Variants in GABRR2 observed in about 807,000 individuals in gnomAD.
GABRR2 encodes gamma-aminobutyric acid receptor subunit rho-2.
GABRR2 carries 36 observed loss-of-function variants against 47.0 expected under a neutral mutation model. The observed-to-expected ratio is 0.77, with a 90% CI of 0.59 to 1.01. GABRR2 has a LOEUF of 1.01. Among genes scored for constraint, GABRR2 ranks in the 50% least tolerant of loss-of-function variants. The pLI, the probability that GABRR2 is intolerant of heterozygous loss-of-function variation, is 0.00. For missense variants in GABRR2, 587 were observed against 594.6 expected (o/e 0.99, Z 0.13); for synonymous variants, 204 against 227.5 (o/e 0.90, Z 0.93).
chr6:89,270,263 G>C (rs988423999), intron 3 of GABRR2: 1 of 152,288 alleles, frequency 6.6e-6, no homozygotes. Flanking sequence ...TTGCCCAGGG[G>C]AAGTGCAGAT....
intron 6 of GABRR2, among the ~76,000 whole-genome samples, chr6:89,266,335 T>C (rs1300966423): frequency 6.6e-6 from 1 of 152,252 alleles, no homozygotes; most frequent in Non-Finnish European, 1.5e-5. Flanking sequence ...ACCATATTTC[T>C]TGAGTGACTT....
rs1439449930 is a variant in GABRR2 at position 89,292,762 on chromosome 6, C to T, written c.220+6997G>A. On this transcript the variant is annotated intron_variant, in intron 2 of 8. Coordinates refer to ENST00000402938, the MANE Select transcript of GABRR2 (RefSeq NM_002043.5). ...TATATAATCGTATATATCGTATATA[C>T]GATATATCGTATATATCGTATATAC... is the stretch of plus-strand genomic sequence containing the variant. Among the ~76,000 whole-genome samples, 23 of 38,578 alleles carry T rather than the reference C, an allele frequency of 6.0e-4. 2 individuals are homozygous for T. Among genetic ancestry groups the T allele is most frequent in the Admixed American group, 4.9e-3 (15 of 3,034 alleles). The allele number at this position is 38,578 out of a possible 152,430, so 25.3% of individuals were successfully genotyped here.
Position 89,265,702 on chromosome 6 carries a change from T to G in GABRR2, c.800A>C (p.Gln267Pro), listed in dbSNP as rs943279649. The stretch of plus-strand genomic sequence containing the variant: ...CATCAGAGTGGCAGGGAAATATGTT[T>G]GGAGCAAGAAGAAGAAGATGTGGCG... ...LRRHIFFFLLQTYFPATLMVM... is the reference protein window; with the variant it reads ...LRRHIFFFLLPTYFPATLMVM... The change falls in exon 7 of 9, where the codon CAA becomes CCA. Residue 267 changes from glutamine to proline, a missense_variant. Transcript: ENST00000402938. 6.2e-7 allele frequency: 1 copy of G among 1,614,124 alleles called. No homozygotes were observed. The highest frequency in any genetic ancestry group is 2.2e-5 in the East Asian group (1 of 44,882).
intron 1 of GABRR2, among the ~76,000 whole-genome samples, chr6:89,308,927 CG>C (rs1767623389): frequency 6.6e-6 from 1 of 152,112 alleles, no homozygotes; most frequent in South Asian, 2.1e-4. Context: ...CCAACCTAGT[CG>C]GGGAGGTGGA....
intron 8 of GABRR2, among the ~76,000 whole-genome samples, chr6:89,260,741 T>C (rs912161446): frequency 6.6e-6 from 1 of 152,182 alleles, no homozygotes; most frequent in African/African-American, 2.4e-5. Context: ...CTAGGGAATC[T>C]ATTTTTTGAG....
Position 89,286,012 on chromosome 6 carries a change from G to A in GABRR2, c.220+13747C>T, listed in dbSNP as rs569312853. 1.8e-3 allele frequency among the ~76,000 whole-genome samples: 194 copies of A among 108,262 alleles called. 1 individual carries two copies. Among genetic ancestry groups the A allele is most frequent in the African/African-American group, 6.2e-3 (183 of 29,526 alleles). The allele number at this position is 108,262 out of a possible 152,430, so 71.0% of individuals were successfully genotyped here. On this transcript the variant is annotated intron_variant, in intron 2 of 8. Transcript: ENST00000402938. ...CTTCTCTGCAGATACTCAGCTCCCC[G>A]CCCGCACCCCCAACAACAAACAAAC...
rs1430489332 is a variant in GABRR2 at position 89,271,740 on chromosome 6, C to A, written c.221-18G>T. ...GGCAGGGCCTGCAGAAGAGCAGAGA[C>A]AGCTGGTTAAGGCACCTTCCTCTCT... On this transcript the variant is annotated intron_variant, in intron 2 of 8. Transcript: ENST00000402938. 1.6e-5 allele frequency: 25 copies of A among 1,607,592 alleles called. No homozygotes were observed. Among genetic ancestry groups the A allele is most frequent in the African/African-American group, 2.7e-5 (2 of 74,784 alleles).
At chr6:89,258,540 TAAAAA>T (rs58724665) in intron 8 of GABRR2, among the ~76,000 whole-genome samples, 1 of 117,146 alleles carries the variant, frequency 8.5e-6, no homozygotes, top group African/African-American at 3.3e-5. Context: ...ACTCCTTCTC[TAAAAA>T]AAAAAAAAAA....
chr6:89,267,212 C>CCAGGCCATGT (rs1207895258), intron 6 of GABRR2, among the ~76,000 whole-genome samples: 1 of 152,064 alleles, frequency 6.6e-6, no homozygotes, highest in African/African-American at 2.4e-5. Context: ...GTTGGCCAGG[C>CCAGGCCATGT]TGGTCTCGAA....
intron 8 of GABRR2, among the ~76,000 whole-genome samples, chr6:89,259,705 T>C (rs1428990016): frequency 1.3e-5 from 2 of 151,774 alleles, no homozygotes; most frequent in Non-Finnish European, 2.9e-5. Context: ...GGTTTCACCA[T>C]GTTAGCCAGG....
intron 1 of GABRR2, among the ~76,000 whole-genome samples, chr6:89,312,010 AC>A (rs1193659013): frequency 6.6e-6 from 1 of 152,088 alleles, no homozygotes; most frequent in African/African-American, 2.4e-5. Flanking sequence ...CACAGTGCAG[AC>A]CCAGGAAGGA....
At chr6:89,301,752 C>T (rs936982261) in intron 1 of GABRR2, 9 of 686,548 alleles carry the variant, frequency 1.3e-5, no homozygotes, top group Non-Finnish European at 2.1e-5. Flanking sequence ...CCCGCCTGCC[C>T]GTCCGCAGCC....
At chr6:89,282,571 G>GA (rs1371924362) in intron 2 of GABRR2, among the ~76,000 whole-genome samples, 1 of 152,220 alleles carries the variant, frequency 6.6e-6, no homozygotes, top group Non-Finnish European at 1.5e-5. Flanking sequence ...ATGACATGAA[G>GA]ATGCGACTGT....
chr6:89,294,269 C>A (rs1321056838), intron 2 of GABRR2, among the ~76,000 whole-genome samples: 1 of 152,158 alleles, frequency 6.6e-6, no homozygotes, highest in Non-Finnish European at 1.5e-5. Flanking sequence ...CTCAGCCACC[C>A]AAGTAGCTGG....
intron 2 of GABRR2, among the ~76,000 whole-genome samples, chr6:89,280,228 AT>A (rs1257888024): frequency 6.3e-5 from 5 of 79,544 alleles, no homozygotes; most frequent in African/African-American, 2.4e-4. Context: ...ATATATATAT[AT>A]ATATATATAT....
Position 89,265,665 on chromosome 6 carries a change from G to A in GABRR2, c.837C>T (p.Ser279=), listed in dbSNP as rs781200532. The A allele has an allele frequency of 6.2e-7, 1 of 1,614,200 alleles. No individual in the cohort carries two copies. The highest frequency in any genetic ancestry group is 1.7e-5 in the Admixed American group (1 of 60,026). The change falls in exon 7 of 9, where the codon TCC becomes TCT. Residue 279 remains serine (S), a synonymous_variant. Transcript: ENST00000402938. ...YFPATLMVML[S]WVSFWIDRRA... ...TGCGGTCGATCCAGAAGGACACCCA[G>A]GACAGCATGACCATCAGAGTGGCAG...
chr6:89,301,158 G>A lies in GABRR2; in HGVS notation c.114-1293C>T, dbSNP rs1242385046. The stretch of plus-strand genomic sequence containing the variant: ...AAGCCACATTATTATCTCAATGGAT[G>A]CACAAGAGGCTTTCGATAAAATTCA... On this transcript the variant is annotated intron_variant, in intron 1 of 8. Coordinates refer to ENST00000402938, the MANE Select transcript of GABRR2 (RefSeq NM_002043.5). Among the ~76,000 whole-genome samples the A allele has an allele frequency of 1.0e-4, 15 of 150,502 alleles. 1 individual carries two copies. The Middle Eastern group carries it at 0.01, about 103-fold the overall frequency.
chr6:89,267,832 G>A lies in GABRR2; in HGVS notation c.596-13C>T, dbSNP rs1773939992. On this transcript the variant is annotated splice_polypyrimidine_tract_variant and intron_variant, in intron 5 of 8. Transcript: ENST00000402938. ...TCTGTATAGGCATCTTTGGGAAGAGGAAAACAAGTTAATTTGACTCCTTCG... is the reference window on the plus strand; with the variant it reads ...TCTGTATAGGCATCTTTGGGAAGAGAAAAACAAGTTAATTTGACTCCTTCG... 2 of 1,607,240 alleles carry A rather than the reference G, an allele frequency of 1.2e-6. No individual in the cohort carries two copies. Among genetic ancestry groups the A allele is most frequent in the East Asian group, 4.5e-5 (2 of 44,782 alleles).
At position 89,267,672 on chromosome 6, in the gene GABRR2, TAGCTA is replaced by T. The variant is rs769814749; in HGVS notation, c.736+2_736+6del. 11 of 1,607,508 alleles carry T rather than the reference TAGCTA, an allele frequency of 6.8e-6. No individual in the cohort carries two copies. Among genetic ancestry groups the T allele is most frequent in the Admixed American group, 3.4e-5 (2 of 58,310 alleles). On this transcript the variant is annotated splice_donor_variant and splice_donor_5th_base_variant and intron_variant, in intron 6 of 8. Transcript: ENST00000402938. LOFTEE classifies it high-confidence loss of function. ...ATTTGAATCAGATTGTGGCAAAAGA[TAGCTA>T]CCAGTGCTGCTGTAGAAGGCCAGCC...
Sources: gnomAD v4.1 joint callset for allele counts (sites outside exome capture counted in the v4.1 genomes callset) on GRCh38, gnomAD v4.1.1 for gene constraint, MANE v1.5 for transcripts, NCBI Gene and HGNC (gene_info 2026-07-23, HGNC 2026-07-21) for gene names.